IQCJ: variants seen among roughly 807,000 people sequenced by gnomAD.
The protein encoded by IQCJ is IQ motif containing J, also known as IQ domain-containing protein J.
Under a neutral mutation model 11.0 loss-of-function variants are expected in IQCJ, and 9 were observed. That is an observed-to-expected ratio of 0.82 (90% CI 0.49 to 1.43). The LOEUF (loss-of-function observed/expected upper bound fraction) is 1.43. Among genes scored for constraint, IQCJ ranks in the 40% most tolerant of loss-of-function variants. The pLI is 0.00. For missense variants in IQCJ, 146 were observed against 133.2 expected (o/e 1.10, Z -0.47); for synonymous variants, 55 against 51.3 (o/e 1.07, Z -0.31).
intron 1 of IQCJ, among the ~76,000 whole-genome samples, chr3:159,186,224 T>A (rs1193730321): frequency 6.6e-6 from 1 of 152,104 alleles, no homozygotes; most frequent in East Asian, 1.9e-4. Context: ...TAATTGTATA[T>A]CCCCAGCACC....
At chr3:159,154,680 G>A (rs966755687) in intron 1 of IQCJ, among the ~76,000 whole-genome samples, 1 of 152,076 alleles carries the variant, frequency 6.6e-6, no homozygotes, top group African/African-American at 2.4e-5. Flanking sequence ...GTCCTTTCAA[G>A]CCTGCTGCCT....
chr3:159,240,257 A>G (rs1726842291), intron 1 of IQCJ, among the ~76,000 whole-genome samples: 1 of 152,202 alleles, frequency 6.6e-6, no homozygotes, highest in Admixed American at 6.5e-5. Context: ...TCTACCTATT[A>G]TAATTACTCT....
intron 1 of IQCJ, among the ~76,000 whole-genome samples, chr3:159,136,841 C>A (rs1192133635): frequency 2.6e-5 from 4 of 152,100 alleles, no homozygotes; most frequent in Non-Finnish European, 5.9e-5. Flanking sequence ...ATCATTTAAT[C>A]CAAGAAGGGA....
At chr3:159,220,249 C>A (rs957530834) in intron 1 of IQCJ, among the ~76,000 whole-genome samples, 5 of 152,072 alleles carry the variant, frequency 3.3e-5, no homozygotes, top group Non-Finnish European at 4.4e-5. Context: ...GTGTCCCTGC[C>A]ACCCCCAATT....
chr3:159,235,322 T>C (rs111330158), intron 1 of IQCJ, among the ~76,000 whole-genome samples: 5 of 152,352 alleles, frequency 3.3e-5, no homozygotes, highest in African/African-American at 1.2e-4. Context: ...CAATTTCTTG[T>C]ATCCTAGATT....
At chr3:159,156,699 G>T (rs181801432) in intron 1 of IQCJ, among the ~76,000 whole-genome samples, 3 of 152,164 alleles carry the variant, frequency 2.0e-5, no homozygotes, top group Admixed American at 2.0e-4. Flanking sequence ...TAGAAGAGGT[G>T]TAAAGAGACA....
intron 1 of IQCJ, among the ~76,000 whole-genome samples, chr3:159,239,931 A>G (rs958818047): frequency 3.9e-5 from 6 of 152,228 alleles, no homozygotes; most frequent in Non-Finnish European, 7.3e-5. Flanking sequence ...AGGTTTGTGT[A>G]GGCATACTCT....
chr3:159,219,938 G>T (rs1157750040), intron 1 of IQCJ, among the ~76,000 whole-genome samples: 1 of 152,078 alleles, frequency 6.6e-6, no homozygotes, highest in Non-Finnish European at 1.5e-5. Context: ...GCACTCAGTG[G>T]TATCTGTGGA....
At chr3:159,224,831 G>A (rs1373686872) in intron 1 of IQCJ, among the ~76,000 whole-genome samples, 2 of 152,224 alleles carry the variant, frequency 1.3e-5, no homozygotes, top group East Asian at 1.9e-4. Context: ...CATAAAGGGA[G>A]AATCTGTACA....
At chr3:159,256,892 G>A (rs767681765) in intron 3 of IQCJ, among the ~76,000 whole-genome samples, 22 of 151,920 alleles carry the variant, frequency 1.4e-4, no homozygotes, top group Non-Finnish European at 2.9e-4. Context: ...GTCAAGTTTG[G>A]GCTAAGTAAT....
intron 1 of IQCJ, among the ~76,000 whole-genome samples, chr3:159,211,835 G>T (rs1724973168): frequency 6.6e-6 from 1 of 152,100 alleles, no homozygotes; most frequent in East Asian, 1.9e-4. Context: ...CAGAAGAGAA[G>T]TTTGAGGGTG....
chr3:159,184,520 T>G (rs1341618334), intron 1 of IQCJ, among the ~76,000 whole-genome samples: 1 of 152,218 alleles, frequency 6.6e-6, no homozygotes, highest in Non-Finnish European at 1.5e-5. Context: ...GAACAGTGTC[T>G]TTTTGTTTGC....
At chr3:159,145,447 A>T (rs1449031175) in intron 1 of IQCJ, among the ~76,000 whole-genome samples, 1 of 152,228 alleles carries the variant, frequency 6.6e-6, no homozygotes. Flanking sequence ...ATAGACAGCT[A>T]ACTGTATCAT....
intron 1 of IQCJ, among the ~76,000 whole-genome samples, chr3:159,089,614 C>T (rs1186571069): frequency 6.6e-6 from 1 of 151,706 alleles, no homozygotes; most frequent in Non-Finnish European, 1.5e-5. Context: ...AGGCTTTGCT[C>T]ATTTCTTTTT....
chr3:159,236,075 T>C (rs892024960), intron 1 of IQCJ, among the ~76,000 whole-genome samples: 1 of 152,140 alleles, frequency 6.6e-6, no homozygotes, highest in Non-Finnish European at 1.5e-5. Flanking sequence ...TACTACCTCA[T>C]GTATGCTTCA....
Position 159,162,724 on chromosome 3 carries a change from A to G in IQCJ, c.10-83119A>G, listed in dbSNP as rs147116237. Reference sequence around the variant, plus strand: ...GAGAAGAATCAAATAGACGCAATAAAAAATGATAAAGGGGATATCACCACC... The same window carrying G: ...GAGAAGAATCAAATAGACGCAATAAGAAATGATAAAGGGGATATCACCACC... On this transcript the variant is annotated intron_variant, in intron 1 of 3. Coordinates refer to ENST00000397832, the MANE Select transcript of IQCJ (RefSeq NM_001042706.3). Among the ~76,000 whole-genome samples the G allele has an allele frequency of 1.4e-3, 220 of 152,344 alleles. 3 individuals are homozygous for G. Among genetic ancestry groups the G allele is most frequent in the Admixed American group, 0.01 (157 of 15,300 alleles).
chr3:159,082,932 C>A (rs932511913), intron 1 of IQCJ, among the ~76,000 whole-genome samples: 1 of 152,066 alleles, frequency 6.6e-6, no homozygotes, highest in Non-Finnish European at 1.5e-5. Context: ...AGAACACGAA[C>A]CTCGACCACA....
At chr3:159,091,199 G>T (rs1010233717) in intron 1 of IQCJ, among the ~76,000 whole-genome samples, 3 of 151,716 alleles carry the variant, frequency 2.0e-5, no homozygotes, top group African/African-American at 7.3e-5. Context: ...ATGAATACAG[G>T]TGTAGGGCAG....
At chr3:159,252,406 C>T (rs1360191089) in intron 2 of IQCJ, among the ~76,000 whole-genome samples, 2 of 152,000 alleles carry the variant, frequency 1.3e-5, no homozygotes, top group Non-Finnish European at 2.9e-5. Context: ...AATTTATAAC[C>T]ATATCCTTGT....
Sources: allele counts gnomAD v4.1 joint callset (sites outside exome capture counted in the v4.1 genomes callset), GRCh38; gene constraint gnomAD v4.1.1; transcripts MANE v1.5; gene names NCBI Gene and HGNC (gene_info 2026-07-23, HGNC 2026-07-21).